C8orf34: variants seen among roughly 807,000 people sequenced by gnomAD.
C8orf34 encodes the protein uncharacterized protein C8orf34.
A neutral mutation model predicts 68.3 loss-of-function variants in C8orf34; 65 were observed. The observed-to-expected ratio is 0.95, with a 90% confidence interval of 0.78 to 1.17. The LOEUF is 1.17. Among genes scored for constraint, C8orf34 ranks in the 50% most tolerant of loss-of-function variants. The pLI is 0.00. For missense variants in C8orf34, 664 were observed against 655.4 expected (o/e 1.01, Z -0.14); for synonymous variants, 244 against 241.2 (o/e 1.01, Z -0.11).
At chr8:68,642,480 T>G (rs889389824) in intron 8 of C8orf34, among the ~76,000 whole-genome samples, 1 of 152,200 alleles carries the variant, frequency 6.6e-6, no homozygotes, top group African/African-American at 2.4e-5. Context: ...TATATATTAG[T>G]CTACCACTGT....
chr8:68,408,891 C>T (rs1316749062), intron 1 of C8orf34, among the ~76,000 whole-genome samples: 2 of 152,138 alleles, frequency 1.3e-5, no homozygotes, highest in Non-Finnish European at 2.9e-5. Flanking sequence ...TGCGTTCAAG[C>T]GATTCTCCTG....
At chr8:68,531,248 A>T (rs897894415) in intron 6 of C8orf34, among the ~76,000 whole-genome samples, 2 of 152,048 alleles carry the variant, frequency 1.3e-5, no homozygotes, top group African/African-American at 4.8e-5. Flanking sequence ...AATGTCTTCA[A>T]TTTTTCCAGT....
rs141174939 is a variant in C8orf34, at chr8:68,605,266, C to T, written c.1106-35110C>T. 1.7e-3 allele frequency among the ~76,000 whole-genome samples: 264 copies of T among 152,170 alleles called. 3 individuals carry two copies. Among genetic ancestry groups the T allele is most frequent in the African/African-American group, 6.2e-3 (256 of 41,532 alleles). Reference sequence around the variant, plus strand: ...CTCTCATTCATTCCTGGTAGGAATGCGAAATAGTACAGTCACTTTGGAAAA... The same window carrying T: ...CTCTCATTCATTCCTGGTAGGAATGTGAAATAGTACAGTCACTTTGGAAAA... On this transcript the variant is annotated intron_variant, in intron 7 of 13. Transcript: ENST00000518698.
intron 9 of C8orf34, among the ~76,000 whole-genome samples, chr8:68,711,877 A>G (rs1053127721): frequency 1.3e-5 from 2 of 152,186 alleles, no homozygotes; most frequent in Non-Finnish European, 2.9e-5. Context: ...ACCTGCACAC[A>G]TAGTCATCAG....
intron 10 of C8orf34, among the ~76,000 whole-genome samples, chr8:68,753,588 CTAGT>C (rs1822766142): frequency 6.6e-6 from 1 of 152,104 alleles, no homozygotes; most frequent in Admixed American, 6.6e-5. Context: ...ATTTGTTTCA[CTAGT>C]TAATGTAGCA....
chr8:68,355,260 C>A lies in C8orf34; in HGVS notation c.327+23921C>A, dbSNP rs1369656247. Among the ~76,000 whole-genome samples the A allele has an allele frequency of 2.6e-5, 4 of 152,092 alleles. No individual in the cohort carries two copies. In the South Asian group the frequency reaches 8.3e-4, roughly 32 times the overall value. On this transcript the variant is annotated intron_variant, in intron 1 of 13. Coordinates refer to ENST00000518698, the MANE Select transcript of C8orf34 (RefSeq NM_052958.4). ...GCCCCACCACCAAACACACACACAACAAGTGCATTTGCCTTTAATAGGGAG... is the reference window on the plus strand; with the variant it reads ...GCCCCACCACCAAACACACACACAAAAAGTGCATTTGCCTTTAATAGGGAG...
intron 1 of C8orf34, among the ~76,000 whole-genome samples, chr8:68,353,788 A>G (rs1806625926): frequency 6.6e-6 from 1 of 151,770 alleles, no homozygotes; most frequent in African/African-American, 2.4e-5. Context: ...TAAAGAATAT[A>G]GTATAATATC....
At chr8:68,789,883 A>C (rs1373449779) in intron 12 of C8orf34, among the ~76,000 whole-genome samples, 1 of 152,234 alleles carries the variant, frequency 6.6e-6, no homozygotes, top group Non-Finnish European at 1.5e-5. Flanking sequence ...TAAATGGTCC[A>C]TCAATCACTC....
chr8:68,517,094 C>A (rs565219293), intron 5 of C8orf34, among the ~76,000 whole-genome samples: 6 of 151,800 alleles, frequency 4.0e-5, no homozygotes, highest in Non-Finnish European at 7.4e-5. Flanking sequence ...GTTTTTTTAC[C>A]CATGTATTTA....
rs572531799 is a variant in C8orf34, at chr8:68,535,558, A to G, written c.1105+2409A>G. 87 of 868,592 alleles carry G rather than the reference A, an allele frequency of 1.0e-4. 1 individual carries two copies. In the South Asian group the frequency reaches 4.0e-3, roughly 40 times the overall value. 53.8% of individuals were successfully genotyped at this position (868,592 alleles called of 1,614,324 possible). ...GAACTAGTAGAAGTTAGTAATAACTATTGACTCTTGTTTTGTTTATTAAGG... is the reference window on the plus strand; with the variant it reads ...GAACTAGTAGAAGTTAGTAATAACTGTTGACTCTTGTTTTGTTTATTAAGG... On this transcript the variant is annotated intron_variant, in intron 7 of 13. Transcript: ENST00000518698.
intron 1 of C8orf34, among the ~76,000 whole-genome samples, chr8:68,357,853 AT>A (rs1806813210): frequency 1.3e-5 from 2 of 152,176 alleles, no homozygotes; most frequent in Non-Finnish European, 2.9e-5. Flanking sequence ...TTACGTAGAT[AT>A]TTTGAATTGT....
At position 68,384,445 on chromosome 8, in the gene C8orf34, G is replaced by T. The variant is rs140023967; in HGVS notation, c.327+53106G>T. ...CGCTGGCCTCTGCTTCTGGGTCTGCGCTTTTGTTGCCAAGATATTGCTTTA... is the reference window on the plus strand; with the variant it reads ...CGCTGGCCTCTGCTTCTGGGTCTGCTCTTTTGTTGCCAAGATATTGCTTTA... On this transcript the variant is annotated intron_variant, in intron 1 of 13. Transcript: ENST00000518698. Among the ~76,000 whole-genome samples, 49 of 152,334 alleles carry T rather than the reference G, an allele frequency of 3.2e-4. No homozygotes were observed. In the East Asian group the frequency reaches 8.9e-3, roughly 28 times the overall value.
At chr8:68,404,220 GTCGT>G (rs1232583564) in intron 1 of C8orf34, among the ~76,000 whole-genome samples, 1 of 152,034 alleles carries the variant, frequency 6.6e-6, no homozygotes, top group Non-Finnish European at 1.5e-5. Flanking sequence ...TTTTGATAGG[GTCGT>G]TTGTTTTTTC....
At chr8:68,809,909 G>A (rs1432769758) in intron 12 of C8orf34, among the ~76,000 whole-genome samples, 1 of 152,130 alleles carries the variant, frequency 6.6e-6, no homozygotes, top group Admixed American at 6.5e-5. Flanking sequence ...AAAAAGAAGA[G>A]CTCTAAGCAC....
chr8:68,472,180 T>C (rs1407514916), intron 4 of C8orf34, among the ~76,000 whole-genome samples: 1 of 152,186 alleles, frequency 6.6e-6, no homozygotes, highest in Non-Finnish European at 1.5e-5. Flanking sequence ...GTGGCTTGTA[T>C]TGCCACATAG....
intron 7 of C8orf34, among the ~76,000 whole-genome samples, chr8:68,626,900 G>A (rs1350521033): frequency 6.6e-6 from 1 of 152,112 alleles, no homozygotes; most frequent in Non-Finnish European, 1.5e-5. Flanking sequence ...AAATGCTGGG[G>A]TGAGAAAAGC....
intron 3 of C8orf34, among the ~76,000 whole-genome samples, chr8:68,453,822 T>C (rs1811440330): frequency 1.3e-5 from 2 of 152,024 alleles, no homozygotes; most frequent in Admixed American, 1.3e-4. Flanking sequence ...ACAGAAGTGA[T>C]GAAAGCAGGA....
intron 5 of C8orf34, among the ~76,000 whole-genome samples, chr8:68,507,610 C>CT (rs1814080492): frequency 6.6e-6 from 1 of 152,136 alleles, no homozygotes; most frequent in African/African-American, 2.4e-5. Context: ...CTGGAAGTTT[C>CT]TTTCCTTTTT....
chr8:68,534,282 T>G (rs1042549473), intron 7 of C8orf34: 1 of 985,270 alleles, frequency 1.0e-6, no homozygotes, highest in African/African-American at 1.7e-5. Flanking sequence ...TCCCTTCCAA[T>G]TGGGTCTTTT....
Sources: allele counts gnomAD v4.1 joint callset (sites outside exome capture counted in the v4.1 genomes callset), GRCh38; gene constraint gnomAD v4.1.1; transcripts MANE v1.5; gene names NCBI Gene and HGNC (gene_info 2026-07-23, HGNC 2026-07-21).